PDE4D: variants seen among roughly 807,000 people sequenced by gnomAD.
PDE4D encodes the protein 3',5'-cyclic-AMP phosphodiesterase 4D.
Under a neutral mutation model 87.4 loss-of-function variants are expected in PDE4D, and 24 were observed. The ratio of observed to expected loss-of-function variants is 0.27; its 90% CI spans 0.20 to 0.39. The LOEUF (loss-of-function observed/expected upper bound fraction) is 0.39, where lower values mean the gene tolerates loss of function less well. Ranked by LOEUF, PDE4D falls within the 10% of genes least tolerant of loss-of-function variation. PDE4D has a pLI of 1.00. For missense variants in PDE4D, 714 were observed against 1,041.0 expected (o/e 0.69, Z 4.32); for synonymous variants, 384 against 383.2 (o/e 1.00, Z -0.02).
intron 1 of PDE4D, among the ~76,000 whole-genome samples, chr5:59,457,525 C>A (rs746474745): frequency 6.6e-6 from 1 of 152,088 alleles, no homozygotes; most frequent in Non-Finnish European, 1.5e-5. Flanking sequence ...ATCTCTGAAC[C>A]CTATACTTAA....
At chr5:59,502,538 T>A (rs1019613799) in intron 1 of PDE4D, among the ~76,000 whole-genome samples, 7 of 151,972 alleles carry the variant, frequency 4.6e-5, no homozygotes, top group African/African-American at 9.7e-5. Context: ...AACATAAATT[T>A]AAAAAAAGAC....
intron 1 of PDE4D, among the ~76,000 whole-genome samples, chr5:59,497,680 A>G (rs1014584609): frequency 6.6e-6 from 1 of 152,150 alleles, no homozygotes; most frequent in Admixed American, 6.5e-5. Context: ...CCTTCAATAA[A>G]TATGGGGTTA....
Position 59,524,767 on chromosome 5 carries a change from C to T in PDE4D, c.456-308799G>A, listed in dbSNP as rs1405797383. On this transcript the variant is annotated intron_variant, in intron 1 of 14. Coordinates refer to ENST00000340635, the MANE Select transcript of PDE4D (RefSeq NM_001104631.2). ...GGTCCCCCTGCTCTGTGCAACCCTG[C>T]ATCCCAGCTGCTTCAGTCCCAACCA... Among the ~76,000 whole-genome samples, 5 of 152,262 alleles carry T rather than the reference C, an allele frequency of 3.3e-5. No homozygotes were observed. In the East Asian group the frequency reaches 9.7e-4, roughly 29 times the overall value.
At chr5:60,471,214 G>A (rs759038297) in intron 1 of PDE4D, among the ~76,000 whole-genome samples, 6 of 152,160 alleles carry the variant, frequency 3.9e-5, no homozygotes, top group East Asian at 1.9e-4. Flanking sequence ...GAAATAGCAA[G>A]AGAACTAGAA....
intron 1 of PDE4D, among the ~76,000 whole-genome samples, chr5:59,668,716 A>C (rs1746476976): frequency 6.9e-6 from 1 of 145,136 alleles, no homozygotes; most frequent in Non-Finnish European, 1.5e-5. Context: ...TGCCTCAAGA[A>C]AAAAAAGAAG....
At chr5:59,162,758 G>A (rs1688621970) in intron 5 of PDE4D, among the ~76,000 whole-genome samples, 4 of 151,376 alleles carry the variant, frequency 2.6e-5, no homozygotes, top group African/African-American at 9.7e-5. Flanking sequence ...AGGAGGATGA[G>A]GTGGGAGGAT....
At chr5:59,615,044 G>T (rs1829486002) in intron 1 of PDE4D, among the ~76,000 whole-genome samples, 1 of 152,002 alleles carries the variant, frequency 6.6e-6, no homozygotes, top group Non-Finnish European at 1.5e-5. Flanking sequence ...TGCTCAGGCT[G>T]GTCTCAAACT....
At chr5:59,874,684 T>C (rs1318977001) in intron 1 of PDE4D, among the ~76,000 whole-genome samples, 1 of 152,230 alleles carries the variant, frequency 6.6e-6, no homozygotes, top group African/African-American at 2.4e-5. Context: ...GCTTCGGAAC[T>C]GGGTTCTTGC....
At chr5:59,087,620 C>A (rs921183453) in intron 5 of PDE4D, among the ~76,000 whole-genome samples, 1 of 152,088 alleles carries the variant, frequency 6.6e-6, no homozygotes, top group African/African-American at 2.4e-5. Context: ...AGTGATGCCC[C>A]CATGCTTTAA....
rs1158915095 is a variant in PDE4D at position 60,194,107 on chromosome 5, TATC to T, written c.-89-8423_-89-8421del. 1.3e-5 allele frequency among the ~76,000 whole-genome samples: 2 copies of T among 151,602 alleles called. 1 individual carries two copies. The highest frequency in any genetic ancestry group is 3.0e-5 in the Non-Finnish European group (2 of 67,778). On this transcript the variant is annotated intron_variant, in intron 1 of 16. Coordinates refer to the PDE4D transcript ENST00000502484. ...AACCCTATGTTCTCCCTCCTCAAGATATCATTCTCTTTCTCTTCAAAATCAAGC... is the reference window on the plus strand; with the variant it reads ...AACCCTATGTTCTCCCTCCTCAAGATATTCTCTTTCTCTTCAAAATCAAGC...
intron 3 of PDE4D, among the ~76,000 whole-genome samples, chr5:59,974,188 C>T (rs991551): frequency 0.63 from 95,816 of 151,894 alleles, 32,772 homozygotes; most frequent in East Asian, 0.92. Flanking sequence ...GGCAGCATGA[C>T]GAACTGGAAT....
chr5:59,354,212 A>C (rs1024047479), intron 1 of PDE4D, among the ~76,000 whole-genome samples: 17 of 152,216 alleles, frequency 1.1e-4, no homozygotes, highest in African/African-American at 3.4e-4. Flanking sequence ...AAATTCAATG[A>C]AGAAATGTTG....
chr5:59,751,241 C>G (rs1326756340), intron 1 of PDE4D, among the ~76,000 whole-genome samples: 1 of 152,128 alleles, frequency 6.6e-6, no homozygotes, highest in Non-Finnish European at 1.5e-5. Flanking sequence ...AGGCACAGTC[C>G]TCACGTAAAT....
intron 1 of PDE4D, among the ~76,000 whole-genome samples, chr5:60,202,894 G>A (rs184453233): frequency 1.1e-3 from 175 of 152,202 alleles, no homozygotes; most frequent in South Asian, 2.3e-3. Flanking sequence ...AAACACACAT[G>A]CCCCTTGAAT....
chr5:59,657,539 C>T (rs1166773715), intron 1 of PDE4D, among the ~76,000 whole-genome samples: 3 of 152,128 alleles, frequency 2.0e-5, no homozygotes, highest in South Asian at 2.1e-4. Flanking sequence ...AGCAACTCTG[C>T]ATATTTCCCT....
chr5:59,756,182 GT>G lies in PDE4D; in HGVS notation c.455+136985del, dbSNP rs1424235431. On this transcript the variant is annotated intron_variant, in intron 1 of 14. Transcript: ENST00000340635. The stretch of plus-strand genomic sequence containing the variant: ...AACACTGAAAATGAAACTATGAAGG[GT>G]TTTTTTTTGCAAATTTCTCAAAATC... Among the ~76,000 whole-genome samples, 17 of 149,440 alleles carry G rather than the reference GT, an allele frequency of 1.1e-4. 1 individual carries two copies. Among genetic ancestry groups the G allele is most frequent in the South Asian group, 4.3e-4 (2 of 4,682 alleles).
At chr5:59,415,470 G>A (rs1319485641) in intron 1 of PDE4D, among the ~76,000 whole-genome samples, 4 of 152,056 alleles carry the variant, frequency 2.6e-5, no homozygotes, top group Non-Finnish European at 5.9e-5. Flanking sequence ...GAGGCTGTTG[G>A]GCACTTGAAA....
intron 3 of PDE4D, among the ~76,000 whole-genome samples, chr5:59,931,771 A>G (rs910184570): frequency 3.6e-5 from 5 of 140,514 alleles, no homozygotes; most frequent in Non-Finnish European, 7.5e-5. Context: ...GTGCAATCTC[A>G]GCTCACTGCA....
intron 1 of PDE4D, among the ~76,000 whole-genome samples, chr5:59,676,945 G>C (rs947279850): frequency 3.3e-5 from 5 of 151,734 alleles, no homozygotes; most frequent in African/African-American, 1.2e-4. Context: ...ACTGTTTCCA[G>C]CCTCTAGTAA....
Sources: gnomAD v4.1 joint callset for allele counts (sites outside exome capture counted in the v4.1 genomes callset) on GRCh38, gnomAD v4.1.1 for gene constraint, MANE v1.5 for transcripts, NCBI Gene and HGNC (gene_info 2026-07-23, HGNC 2026-07-21) for gene names.